Variants in INTS6 observed in about 807,000 individuals in gnomAD.
INTS6 encodes integrator complex subunit 6.
Under a neutral mutation model 104.9 loss-of-function variants are expected in INTS6, and 16 were observed. The observed-to-expected ratio is 0.15, with a 90% CI of 0.10 to 0.23. The LOEUF is 0.23. Ranked by LOEUF, INTS6 falls within the 10% of genes least tolerant of loss-of-function variation. The pLI, the probability that INTS6 is intolerant of heterozygous loss-of-function variation, is 1.00. For missense variants in INTS6, 584 were observed against 1,062.8 expected, an observed-to-expected ratio of 0.55 and a Z score of 6.26; for synonymous variants, 324 against 358.7, an observed-to-expected ratio of 0.90 and a Z score of 1.09.
chr13:51,373,053 T>C (rs1955843017), intron 15 of INTS6, among the ~76,000 whole-genome samples: 1 of 152,102 alleles, frequency 6.6e-6, no homozygotes, highest in Non-Finnish European at 1.5e-5. Context: ...GAAAAAATAT[T>C]TTTTTTCCAG....
intron 15 of INTS6, 47 bp downstream of exon 15, chr13:51,374,161 G>A: frequency 6.9e-7 from 1 of 1,456,004 alleles, no homozygotes; most frequent in Non-Finnish European, 9.6e-7. Flanking sequence ...TCCTTGAAAA[G>A]GAACCAAAAG....
the INTS6 span, chr13:51,344,206 TACTC>T: frequency 4.2e-6 from 6 of 1,421,626 alleles, no homozygotes; most frequent in East Asian, 2.3e-5. Context: ...GCTAACTCCT[TACTC>T]ACACTCACCA....
At chr13:51,389,761 A>T (rs1035070396) in intron 5 of INTS6, among the ~76,000 whole-genome samples, 1 of 152,094 alleles carries the variant, frequency 6.6e-6, no homozygotes, top group African/African-American at 2.4e-5. Context: ...GTTTTTTAAA[A>T]CATATATATA....
intron 3 of INTS6, chr13:51,443,929 T>G (rs1440941994): frequency 6.6e-6 from 1 of 152,204 alleles, no homozygotes; most frequent in African/African-American, 2.4e-5. Flanking sequence ...TAATTCAAAA[T>G]ACACAAATAA....
chr13:51,370,555 C>A (rs937132297), intron 15 of INTS6, among the ~76,000 whole-genome samples: 2 of 152,076 alleles, frequency 1.3e-5, no homozygotes, highest in African/African-American at 4.8e-5. Context: ...CAAGACAAGG[C>A]GTTTTGTTGG....
downstream of INTS6, among the ~76,000 whole-genome samples, chr13:51,360,768 G>A (rs1242019308): frequency 6.6e-6 from 1 of 152,020 alleles, no homozygotes; most frequent in Admixed American, 6.6e-5. Context: ...AATAAAGCCT[G>A]TAATAAAAAC....
intron 4 of INTS6, among the ~76,000 whole-genome samples, chr13:51,424,206 C>G (rs1316030237): frequency 1.3e-5 from 2 of 151,720 alleles, no homozygotes; most frequent in African/African-American, 4.8e-5. Context: ...ATTGCTTCAC[C>G]CTCTGAATAA....
intron 12 of INTS6, 21 bp downstream of exon 12, chr13:51,378,218 C>T: frequency 6.6e-7 from 1 of 1,512,248 alleles, no homozygotes; most frequent in Non-Finnish European, 9.2e-7. Flanking sequence ...ACTAGAGTAG[C>T]ACTAAATTCA....
the INTS6 span, chr13:51,348,537 C>A: frequency 1.4e-6 from 1 of 712,194 alleles, no homozygotes; most frequent in Non-Finnish European, 2.3e-6. Context: ...TAATATGTAT[C>A]CCCAGAAGTT....
the INTS6 span, chr13:51,347,114 T>C: frequency 6.2e-7 from 1 of 1,612,720 alleles, no homozygotes; most frequent in South Asian, 1.1e-5. Flanking sequence ...CACCATGTCC[T>C]TCCAAGGCAC....
In INTS6 at chr13:51,409,642, T is replaced by A. The variant is rs192816013; in HGVS notation, c.430-14159A>T. On this transcript the variant is annotated intron_variant, in intron 4 of 17. Coordinates refer to ENST00000311234, the MANE Select transcript of INTS6 (RefSeq NM_012141.3). ...CAATGCTAATTCATCATAGGTAGTA[T>A]TTTTTTTAATTTTAAGGAACAATTG... Among the ~76,000 whole-genome samples the A allele has an allele frequency of 5.8e-4, 86 of 147,230 alleles. No individual in the cohort carries two copies. The East Asian group carries it at 0.016, about 28-fold the overall frequency.
At chr13:51,449,526 C>T in intron 3 of INTS6, 1 of 985,174 alleles carries the variant, frequency 1.0e-6, no homozygotes, top group Non-Finnish European at 1.2e-6. Flanking sequence ...TGAATATGTC[C>T]AAATGCCTTG....
At chr13:51,417,581 A>G (rs1483590731) in intron 4 of INTS6, among the ~76,000 whole-genome samples, 5 of 150,210 alleles carry the variant, frequency 3.3e-5, no homozygotes, top group African/African-American at 1.2e-4. Context: ...CAGCCTCCCG[A>G]GTAGCTGGGA....
At chr13:51,369,466 G>A (rs1054015037) in intron 15 of INTS6, among the ~76,000 whole-genome samples, 156 bp from the exon 16 acceptor site, 17 of 152,128 alleles carry the variant, frequency 1.1e-4, no homozygotes, top group African/African-American at 4.1e-4. Flanking sequence ...CATTGCCAAA[G>A]ATACGGTAGA....
intron 4 of INTS6, chr13:51,421,095 C>T (rs1393108333): frequency 8.3e-6 from 8 of 967,806 alleles, no homozygotes; most frequent in Non-Finnish European, 9.8e-6. Flanking sequence ...GAGAGAACTA[C>T]ACTCTACTCT....
Position 51,387,449 on chromosome 13 carries a change from C to A in INTS6, c.831G>T (p.Gly277=). The A allele has an allele frequency of 6.2e-7, 1 of 1,613,674 alleles. No individual in the cohort carries two copies. Among genetic ancestry groups the A allele is most frequent in the Non-Finnish European group, 8.5e-7 (1 of 1,179,802 alleles). The change falls in exon 7 of 18, where the codon GGG becomes GGT. Residue 277 remains glycine, a synonymous_variant. Transcript: ENST00000311234. ...LIYVRPNPKT[G]VPIGHWPVPE... ...GAACAGGCCAATGACCTATAGGAAC[C>A]CCAGTTTTAGGATTTGGTCTGACAT...
chr13:51,341,475 A>T, the INTS6 span: 1 of 932,198 alleles, frequency 1.1e-6, no homozygotes, highest in Non-Finnish European at 1.6e-6. Context: ...ACTCACACTC[A>T]CTCTCTCCAG....
the INTS6 span, among the ~76,000 whole-genome samples, chr13:51,337,228 C>T: frequency 0.097 from 14,818 of 152,276 alleles, 1,139 homozygotes; most frequent in African/African-American, 0.21. Context: ...GCAGCCCATA[C>T]AAGCACAAAG....
chr13:51,437,610 A>G (rs1377983136), intron 3 of INTS6: 1 of 152,246 alleles, frequency 6.6e-6, no homozygotes, highest in Non-Finnish European at 1.5e-5. Context: ...AAAGCATTAA[A>G]TTTTAAAAAG....
Sources: allele counts gnomAD v4.1 joint callset (sites outside exome capture counted in the v4.1 genomes callset), GRCh38; gene constraint gnomAD v4.1.1; transcripts MANE v1.5; gene names NCBI Gene and HGNC (gene_info 2026-07-23, HGNC 2026-07-21).